The following ADAMTS16 variants were observed in gnomAD, a reference collection of about 807,000 sequenced individuals.
ADAMTS16 encodes A disintegrin and metalloproteinase with thrombospondin motifs 16.
ADAMTS16 carries 94 observed loss-of-function variants against 145.8 expected under a neutral mutation model. That is an observed-to-expected ratio of 0.64 (90% CI 0.55 to 0.77). The LOEUF (loss-of-function observed/expected upper bound fraction) is 0.77. ADAMTS16 is among the 30% of genes least tolerant of loss of function. ADAMTS16 has a pLI of 0.00. For missense variants in ADAMTS16, 1,585 were observed against 1,591.5 expected (o/e 1.00, Z 0.07); for synonymous variants, 659 against 604.3 (o/e 1.09, Z -1.33).
intron 10 of ADAMTS16, among the ~76,000 whole-genome samples, chr5:5,216,107 G>T (rs1736432286): frequency 6.6e-6 from 1 of 151,660 alleles, no homozygotes; most frequent in Non-Finnish European, 1.5e-5. Context: ...GTTCTTTAAG[G>T]AATCTCCACA....
At chr5:5,233,734 G>T (rs541184221) in intron 12 of ADAMTS16, among the ~76,000 whole-genome samples, 16 of 152,092 alleles carry the variant, frequency 1.1e-4, no homozygotes, top group Non-Finnish European at 1.9e-4. Flanking sequence ...TCATTATCTG[G>T]TCTAACATTG....
At chr5:5,207,838 A>G (rs901186216) in intron 9 of ADAMTS16, among the ~76,000 whole-genome samples, 8 of 151,996 alleles carry the variant, frequency 5.3e-5, no homozygotes, top group Non-Finnish European at 1.2e-4. Context: ...AATTGACTTT[A>G]GAATATTGAA....
chr5:5,239,661 T>C lies in ADAMTS16; in HGVS notation c.2279-20T>C. The stretch of plus-strand genomic sequence containing the variant: ...CTTTCTGGAATGAAAAGCTGTATCT[T>C]CCCCATTTCCTTTATCTAGAGTATT... On this transcript the variant is annotated intron_variant, in intron 15 of 22. Coordinates refer to ENST00000274181, the MANE Select transcript of ADAMTS16 (RefSeq NM_139056.4). The C allele has an allele frequency of 6.2e-7, 1 of 1,610,178 alleles. No homozygotes were observed. Among genetic ancestry groups the C allele is most frequent in the Non-Finnish European group, 8.5e-7 (1 of 1,176,704 alleles).
At chr5:5,309,157 G>A (rs1477612158) in intron 21 of ADAMTS16, among the ~76,000 whole-genome samples, 1 of 152,142 alleles carries the variant, frequency 6.6e-6, no homozygotes, top group African/African-American at 2.4e-5. Flanking sequence ...CAAAATCTGA[G>A]GATGCACAAG....
At chr5:5,195,713 C>A (rs1445014938) in intron 8 of ADAMTS16, among the ~76,000 whole-genome samples, 1 of 152,216 alleles carries the variant, frequency 6.6e-6, no homozygotes, top group Admixed American at 6.5e-5. Flanking sequence ...ATTCATCAGT[C>A]TGTCTCTTGC....
At chr5:5,156,660 G>A (rs748915637) in intron 3 of ADAMTS16, among the ~76,000 whole-genome samples, 1 of 152,202 alleles carries the variant, frequency 6.6e-6, no homozygotes, top group Non-Finnish European at 1.5e-5. Context: ...AGCTTGCCAG[G>A]AGGGAGAAGG....
intron 18 of ADAMTS16, among the ~76,000 whole-genome samples, chr5:5,296,929 G>T (rs921038518): frequency 8.5e-5 from 13 of 152,226 alleles, no homozygotes; most frequent in Non-Finnish European, 1.8e-4. Flanking sequence ...CAATGGGTGG[G>T]TGTTGAAGGG....
At chr5:5,233,765 C>T (rs1186995948) in intron 12 of ADAMTS16, among the ~76,000 whole-genome samples, 2 of 152,154 alleles carry the variant, frequency 1.3e-5, no homozygotes, top group Admixed American at 6.5e-5. Context: ...AGGTTGACTC[C>T]ATGTCTTCGC....
At chr5:5,176,064 G>A (rs1339604769) in intron 3 of ADAMTS16, 1 of 152,306 alleles carries the variant, frequency 6.6e-6, no homozygotes, top group African/African-American at 2.4e-5. Flanking sequence ...CCTGTGAGGA[G>A]GAGGTTTGGT....
chr5:5,148,408 C>A (rs1373483391), intron 3 of ADAMTS16, among the ~76,000 whole-genome samples: 1 of 152,212 alleles, frequency 6.6e-6, no homozygotes, highest in South Asian at 2.1e-4. Context: ...ATATTCCATT[C>A]TATCTGTTTA....
chr5:5,295,975 C>A (rs577917441), intron 18 of ADAMTS16, among the ~76,000 whole-genome samples: 2 of 152,176 alleles, frequency 1.3e-5, no homozygotes, highest in Non-Finnish European at 2.9e-5. Context: ...GGTAGGACAT[C>A]CTTGGCTAGG....
At chr5:5,226,226 T>C (rs998253761) in intron 11 of ADAMTS16, among the ~76,000 whole-genome samples, 8 of 152,224 alleles carry the variant, frequency 5.3e-5, no homozygotes, top group African/African-American at 1.9e-4. Flanking sequence ...CTGGATAATT[T>C]ATAAAGGAAA....
chr5:5,292,401 GC>G (rs1397512940), intron 18 of ADAMTS16, among the ~76,000 whole-genome samples: 25 of 152,074 alleles, frequency 1.6e-4, no homozygotes, highest in African/African-American at 6.0e-4. Flanking sequence ...GGAGGCTGAG[GC>G]AGGAGAATGG....
At chr5:5,312,848 G>T (rs1477718655) in intron 21 of ADAMTS16, among the ~76,000 whole-genome samples, 1 of 152,130 alleles carries the variant, frequency 6.6e-6, no homozygotes, top group African/African-American at 2.4e-5. Context: ...CATTTCTCAG[G>T]CAGATACTTT....
rs74775658 is a variant in ADAMTS16 at position 5,310,423 on chromosome 5, G to A, written c.3411+3695G>A. Among the ~76,000 whole-genome samples the A allele has an allele frequency of 0.015, 2,235 of 152,266 alleles. 61 individuals are homozygous for A. Among genetic ancestry groups the A allele is most frequent in the African/African-American group, 0.05 (2,080 of 41,528 alleles). ...ATGTCTCCAAAACTCATGTCCACCC[G>A]GGACCTCAGAATATAATCTTATTGG... On this transcript the variant is annotated intron_variant, in intron 21 of 22. Coordinates refer to ENST00000274181, the MANE Select transcript of ADAMTS16 (RefSeq NM_139056.4). This position sits in a 1 kb window ranked among gnomAD's most constrained non-coding sequence, Gnocchi z 4.3.
chr5:5,219,406 T>C (rs1736529716), intron 10 of ADAMTS16, among the ~76,000 whole-genome samples: 1 of 152,220 alleles, frequency 6.6e-6, no homozygotes, highest in Admixed American at 6.5e-5. Flanking sequence ...ACTACACTTC[T>C]CAGCCTCCGG....
intron 3 of ADAMTS16, among the ~76,000 whole-genome samples, chr5:5,168,622 ATATTATATAT>A (rs1734953209): frequency 1.8e-5 from 2 of 113,598 alleles, no homozygotes; most frequent in Admixed American, 1.0e-4. Context: ...TTTATATATT[ATATTATATAT>A]AATATATATA....
intron 3 of ADAMTS16, among the ~76,000 whole-genome samples, chr5:5,151,215 CTTATTTATTTATTTATTTATTTAT>C (rs3059259): frequency 6.9e-6 from 1 of 145,778 alleles, no homozygotes; most frequent in Non-Finnish European, 1.5e-5. Flanking sequence ...TTTCTTTTCT[CTTATTTATTTATTTATTTATTTAT>C]TTATTTATTT....
At chr5:5,155,684 C>A (rs1024623961) in intron 3 of ADAMTS16, among the ~76,000 whole-genome samples, 1 of 152,048 alleles carries the variant, frequency 6.6e-6, no homozygotes, top group African/African-American at 2.4e-5. Context: ...CTAGAATCAG[C>A]GGCTGCAACT....
Sources: allele counts gnomAD v4.1 joint callset (sites outside exome capture counted in the v4.1 genomes callset), GRCh38; gene constraint gnomAD v4.1.1; non-coding constraint Gnocchi (gnomAD v3.1); transcripts MANE v1.5; gene names NCBI Gene and HGNC (gene_info 2026-07-23, HGNC 2026-07-21).